Variants in BANP observed in about 807,000 individuals in gnomAD.
BANP encodes the protein BTG3 associated nuclear protein.
A neutral mutation model predicts 68.1 loss-of-function variants in BANP; 11 were observed. The ratio of observed to expected loss-of-function variants is 0.16; its 90% CI spans 0.10 to 0.27. The LOEUF (loss-of-function observed/expected upper bound fraction) is 0.27. BANP is among the 10% of genes least tolerant of loss of function. BANP has a pLI of 1.00. For missense variants in BANP, 504 were observed against 722.7 expected (o/e 0.70, Z 3.47); for synonymous variants, 329 against 303.2 (o/e 1.09, Z -0.88).
chr16:88,010,979 C>G (rs2072946256), intron 6 of BANP, among the ~76,000 whole-genome samples: 1 of 152,230 alleles, frequency 6.6e-6, no homozygotes, highest in Non-Finnish European at 1.5e-5. Flanking sequence ...TGTGAGGTAA[C>G]AGGAAACATT....
chr16:87,951,540 C>G (rs917087959), intron 1 of BANP, 25 bp downstream of exon 1: 1 of 152,742 alleles, frequency 6.5e-6, no homozygotes, highest in East Asian at 1.9e-4. Flanking sequence ...CGCAGCCGGT[C>G]GCGCCTCCGC....
intron 1 of BANP, among the ~76,000 whole-genome samples, chr16:87,954,537 T>C (rs910187557): frequency 2.0e-5 from 3 of 152,242 alleles, no homozygotes; most frequent in African/African-American, 7.2e-5. Context: ...ATTGGGAGCC[T>C]GTCACCGTGG....
At chr16:87,951,655 G>C (rs1436869939) in intron 1 of BANP, 140 bp downstream of exon 1, 1 of 147,638 alleles carries the variant, frequency 6.8e-6, no homozygotes, top group Non-Finnish European at 1.5e-5. Context: ...CCAACCGCCC[G>C]GGCCGGGCGA....
At chr16:87,983,284 C>T (rs1413204266) in intron 3 of BANP, among the ~76,000 whole-genome samples, 1 of 152,136 alleles carries the variant, frequency 6.6e-6, no homozygotes, top group Non-Finnish European at 1.5e-5. Context: ...CTTCTGTCTG[C>T]TGGTGAGACC....
chr16:87,975,216 T>G, intron 2 of BANP, 31 bp downstream of exon 2: 1 of 1,606,724 alleles, frequency 6.2e-7, no homozygotes, highest in Non-Finnish European at 8.5e-7. Flanking sequence ...AGGTGAAATA[T>G]TATTCTCTTT....
At chr16:88,039,598 C>T (rs1481751922) in intron 11 of BANP, among the ~76,000 whole-genome samples, 1 of 141,966 alleles carries the variant, frequency 7.0e-6, no homozygotes, top group Non-Finnish European at 1.6e-5. Flanking sequence ...CAGAACCAGC[C>T]TTTTACACTG....
At chr16:88,067,500 C>T (rs2089023988) in intron 12 of BANP, among the ~76,000 whole-genome samples, 1 of 152,154 alleles carries the variant, frequency 6.6e-6, no homozygotes, top group Non-Finnish European at 1.5e-5. Context: ...CTAGGCCGGC[C>T]CCACCTCACC....
chr16:88,056,313 A>G (rs1183267996), intron 11 of BANP, among the ~76,000 whole-genome samples: 2 of 152,262 alleles, frequency 1.3e-5, no homozygotes, highest in Non-Finnish European at 2.9e-5. Flanking sequence ...AGTCAGTAAA[A>G]TAGGTGTACT....
chr16:88,072,059 C>T lies in BANP; in HGVS notation c.1378-10C>T. The T allele has an allele frequency of 6.4e-7, 1 of 1,564,668 alleles. No individual in the cohort carries two copies. Among genetic ancestry groups the T allele is most frequent in the Non-Finnish European group, 8.6e-7 (1 of 1,156,864 alleles). On this transcript the variant is annotated splice_polypyrimidine_tract_variant and intron_variant, in intron 12 of 13. Coordinates refer to ENST00000682872, the MANE Select transcript of BANP (RefSeq NM_001386991.1). ...ACGCCGCTGACGGGCCCCCGTGTGT[C>T]TCCCTCCAGGTGCTGCAGGGTGCAC...
rs780714183 is a variant in BANP at position 88,018,609 on chromosome 16, G to C, written c.837G>C (p.Ser279=). Residue 279 remains serine (S), a synonymous_variant, in exon 7 of 14, where the codon TCG becomes TCC. Transcript: ENST00000682872. This position sits in a 1 kb window ranked among gnomAD's most constrained non-coding sequence, Gnocchi z 7.7. ...HREVQAVSNL[S]GQGKHGKKQL... is the part of the protein sequence containing the mutation. ...AGGTGCAGGCTGTGTCCAACCTCTC[G>C]GGGCAGGGCAAGCACGGGAAGAAGC... is the stretch of plus-strand genomic sequence containing the variant. The C allele has an allele frequency of 3.1e-6, 5 of 1,589,856 alleles. No homozygotes were observed. The highest frequency in any genetic ancestry group is 1.8e-5 in the Admixed American group (1 of 56,042).
At chr16:87,976,701 C>T (rs1258958099) in intron 2 of BANP, among the ~76,000 whole-genome samples, 1 of 152,096 alleles carries the variant, frequency 6.6e-6, no homozygotes, top group East Asian at 1.9e-4. Flanking sequence ...CTTTGTTAGT[C>T]GAGAAAACTA....
At chr16:87,956,662 G>C (rs888596315) in intron 1 of BANP, 1 of 152,180 alleles carries the variant, frequency 6.6e-6, no homozygotes, top group African/African-American at 2.4e-5. Context: ...GCCTGCTTTG[G>C]TTGTAATCAT....
chr16:87,982,320 A>G (rs72631411), intron 3 of BANP, among the ~76,000 whole-genome samples: 36,605 of 152,020 alleles, frequency 0.24, 4,936 homozygotes, highest in East Asian at 0.49. Context: ...GCGTGGCTCT[A>G]GGTTGTTTTA....
At chr16:88,023,150 C>T (rs2076330119) in intron 7 of BANP, among the ~76,000 whole-genome samples, 1 of 152,128 alleles carries the variant, frequency 6.6e-6, no homozygotes, top group African/African-American at 2.4e-5. Flanking sequence ...TTGAGCGCCT[C>T]ACGGTGACTG....
intron 1 of BANP, among the ~76,000 whole-genome samples, chr16:87,961,249 T>A (rs970268460): frequency 6.6e-6 from 1 of 152,212 alleles, no homozygotes. Flanking sequence ...AAGAGGAATC[T>A]CCATAATTAT....
At chr16:87,980,104 C>T (rs376220266) in intron 2 of BANP, among the ~76,000 whole-genome samples, 73 of 152,186 alleles carry the variant, frequency 4.8e-4, no homozygotes, top group African/African-American at 1.7e-3. Context: ...GAGTAGAGCA[C>T]GGTAGGAGTG....
At chr16:88,045,610 G>T (rs1229729940) in intron 11 of BANP, among the ~76,000 whole-genome samples, 3 of 152,146 alleles carry the variant, frequency 2.0e-5, no homozygotes, top group African/African-American at 7.2e-5. Flanking sequence ...CTGCTATGCC[G>T]GGCATTCAGA....
chr16:88,042,914 C>G (rs1311024958), intron 11 of BANP, among the ~76,000 whole-genome samples: 1 of 152,184 alleles, frequency 6.6e-6, no homozygotes, highest in East Asian at 1.9e-4. Flanking sequence ...AAGACCCTGT[C>G]TCAAAATAAA....
chr16:87,993,329 A>T (rs556304429), intron 4 of BANP, among the ~76,000 whole-genome samples: 2 of 152,338 alleles, frequency 1.3e-5, no homozygotes, highest in East Asian at 3.9e-4. Flanking sequence ...CGCCTCCTCG[A>T]GGGTGGAGTG....
Sources: gnomAD v4.1 joint callset for allele counts (sites outside exome capture counted in the v4.1 genomes callset) on GRCh38, gnomAD v4.1.1 for gene constraint, Gnocchi (gnomAD v3.1) non-coding constraint, MANE v1.5 for transcripts, NCBI Gene and HGNC (gene_info 2026-07-23, HGNC 2026-07-21) for gene names.